The following KLHL29 variants were observed in gnomAD, a reference collection of about 807,000 sequenced individuals.
KLHL29 encodes the protein kelch-like protein 29.
In KLHL29, 21 loss-of-function variants were observed where a neutral mutation model predicts 80.4. The ratio of observed to expected loss-of-function variants is 0.26; its 90% CI spans 0.19 to 0.38. The LOEUF is 0.38. Among genes scored for constraint, KLHL29 ranks in the 10% least tolerant of loss-of-function variants. The pLI is 1.00. For synonymous variants in KLHL29, 511 were observed against 526.8 expected (o/e 0.97, Z 0.41); for missense variants, 867 against 1,223.9 (o/e 0.71, Z 4.35).
At chr2:23,508,893 T>C (rs1017511229) in intron 2 of KLHL29, among the ~76,000 whole-genome samples, 1 of 152,226 alleles carries the variant, frequency 6.6e-6, no homozygotes, top group Non-Finnish European at 1.5e-5. Context: ...AATCTAGAGC[T>C]AGACCGGGTG....
At chr2:23,525,742 C>T (rs984420885) in intron 2 of KLHL29, among the ~76,000 whole-genome samples, 3 of 104,416 alleles carry the variant, frequency 2.9e-5, no homozygotes, top group East Asian at 3.2e-4. Context: ...CCCCCCCACC[C>T]GAGGCGAGCC....
intron 5 of KLHL29, among the ~76,000 whole-genome samples, chr2:23,650,769 A>G (rs770983204): frequency 6.6e-6 from 1 of 152,178 alleles, no homozygotes; most frequent in Non-Finnish European, 1.5e-5. Flanking sequence ...TTGCCTAACC[A>G]CTATTTAAAC....
intron 7 of KLHL29, among the ~76,000 whole-genome samples, 161 bp downstream of exon 7, chr2:23,692,037 A>G (rs1164652147): frequency 1.3e-5 from 2 of 152,172 alleles, no homozygotes; most frequent in Non-Finnish European, 2.9e-5. Context: ...GGTAATTCAG[A>G]TAACTACATG....
chr2:23,474,464 T>C (rs1664576626), intron 1 of KLHL29, among the ~76,000 whole-genome samples: 1 of 152,210 alleles, frequency 6.6e-6, no homozygotes, highest in Admixed American at 6.5e-5. Context: ...CTCGCCACTT[T>C]GGTTCTGTGT....
At chr2:23,473,168 G>A (rs1284405363) in intron 1 of KLHL29, among the ~76,000 whole-genome samples, 1 of 152,162 alleles carries the variant, frequency 6.6e-6, no homozygotes, top group Non-Finnish European at 1.5e-5. Flanking sequence ...AAGACGCAGA[G>A]AGGGAGGGGA....
chr2:23,642,391 G>C lies in KLHL29; in HGVS notation c.481G>C (p.Ala161Pro). Reference protein sequence around the residue: ...VAAGNQPTLIAHSYGVAQPPT... With the variant: ...VAAGNQPTLIPHSYGVAQPPT... ...CGCCGGGAACCAGCCCACCCTGATTGCACACTCCTATGGAGTGGCCCAGCC... is the reference window on the plus strand; with the variant it reads ...CGCCGGGAACCAGCCCACCCTGATTCCACACTCCTATGGAGTGGCCCAGCC... The change falls in exon 5 of 14, where the codon GCA (alanine) becomes CCA (proline). Residue 161 changes from alanine to proline, a missense_variant. Ala to Pro is a conservative substitution (Grantham distance 27). This residue lies in a region of KLHL29 where 424 missense variants were observed against 456.9 expected (regional missense o/e 0.93). Coordinates refer to ENST00000486442, the MANE Select transcript of KLHL29 (RefSeq NM_052920.2). 1 of 1,448,424 alleles carries C rather than the reference G, an allele frequency of 6.9e-7. No homozygotes were observed. Among genetic ancestry groups the C allele is most frequent in the Non-Finnish European group, 9.1e-7 (1 of 1,094,848 alleles). The allele number at this position is 1,448,424 out of a possible 1,614,324, so 89.7% of individuals were successfully genotyped here. A position where few individuals can be genotyped will look rare whatever the true frequency, so the allele number is the denominator to read the frequency against.
intron 1 of KLHL29, among the ~76,000 whole-genome samples, chr2:23,470,805 C>T (rs934318243): frequency 1.3e-5 from 2 of 152,208 alleles, no homozygotes; most frequent in Non-Finnish European, 2.9e-5. Context: ...CATCTTCACT[C>T]TCCCCTTTAA....
At chr2:23,388,567 A>G (rs13033444) in intron 1 of KLHL29, among the ~76,000 whole-genome samples, 32,047 of 152,172 alleles carry the variant, frequency 0.21, 4,006 homozygotes, top group South Asian at 0.3. Flanking sequence ...ATGCATTTCC[A>G]TGGTGATCCA....
At chr2:23,546,807 A>T (rs1302161078) in intron 2 of KLHL29, among the ~76,000 whole-genome samples, 1 of 152,226 alleles carries the variant, frequency 6.6e-6, no homozygotes, top group Non-Finnish European at 1.5e-5. Context: ...GAATCTTACC[A>T]GGAAGTGTCC....
chr2:23,541,654 A>C (rs1294061880), intron 2 of KLHL29, among the ~76,000 whole-genome samples: 1 of 152,194 alleles, frequency 6.6e-6, no homozygotes, highest in African/African-American at 2.4e-5. Flanking sequence ...TGTCAGAGGC[A>C]GCAACCCTTC....
intron 1 of KLHL29, among the ~76,000 whole-genome samples, chr2:23,440,489 A>G (rs1211743716): frequency 1.3e-5 from 2 of 152,002 alleles, no homozygotes; most frequent in Non-Finnish European, 2.9e-5. Context: ...GGATCTAATT[A>G]AACTAAAGAG....
At chr2:23,546,315 G>A (rs1666978841) in intron 2 of KLHL29, among the ~76,000 whole-genome samples, 1 of 152,224 alleles carries the variant, frequency 6.6e-6, no homozygotes, top group Non-Finnish European at 1.5e-5. Context: ...AGGGGACCCT[G>A]CAGAATGAGG....
Position 23,691,722 on chromosome 2 carries a change from C to G in KLHL29, c.1128C>G (p.Val376=). 1.3e-6 allele frequency: 2 copies of G among 1,551,804 alleles called. No individual in the cohort carries two copies. Among genetic ancestry groups the G allele is most frequent in the Non-Finnish European group, 1.7e-6 (2 of 1,147,018 alleles). Residue 376 remains valine, a synonymous_variant, in exon 7 of 14, where the codon GTC becomes GTG. Transcript: ENST00000486442. ...GQGGREKLEL[V]LSNLQADVLE... is the part of the protein sequence containing the mutation. Reference sequence around the variant, plus strand: ...GCGGCCGGGAGAAGCTGGAGCTCGTCCTGTCGAACCTGCAGGCAGACGTCC... The same window carrying G: ...GCGGCCGGGAGAAGCTGGAGCTCGTGCTGTCGAACCTGCAGGCAGACGTCC...
chr2:23,608,681 T>G (rs1668786409), intron 3 of KLHL29, among the ~76,000 whole-genome samples: 1 of 152,178 alleles, frequency 6.6e-6, no homozygotes, highest in African/African-American at 2.4e-5. Context: ...CCCCTTAGGA[T>G]GTGAATTACA....
At chr2:23,511,735 A>G (rs148935879) in intron 2 of KLHL29, among the ~76,000 whole-genome samples, 5 of 152,276 alleles carry the variant, frequency 3.3e-5, no homozygotes, top group Admixed American at 6.5e-5. Flanking sequence ...ATCGTCACTT[A>G]ACAAAGGTTT....
At chr2:23,451,622 C>A (rs1300209448) in intron 1 of KLHL29, among the ~76,000 whole-genome samples, 1 of 152,196 alleles carries the variant, frequency 6.6e-6, no homozygotes, top group East Asian at 1.9e-4. Flanking sequence ...TCCCCAGCTC[C>A]CAGTGAAAGC....
intron 2 of KLHL29, among the ~76,000 whole-genome samples, chr2:23,517,510 T>C (rs750732526): frequency 5.3e-5 from 8 of 152,242 alleles, no homozygotes; most frequent in South Asian, 2.1e-4. Context: ...GCCACTGCAC[T>C]ACTCCAGCCT....
At chr2:23,431,278 C>G (rs879316121) in intron 1 of KLHL29, among the ~76,000 whole-genome samples, 2 of 152,290 alleles carry the variant, frequency 1.3e-5, no homozygotes, top group Admixed American at 1.3e-4. Context: ...AATGTGTGAC[C>G]CTGTGTTCAG....
At chr2:23,583,302 A>G (rs1371502444) in intron 3 of KLHL29, among the ~76,000 whole-genome samples, 1 of 152,224 alleles carries the variant, frequency 6.6e-6, no homozygotes, top group South Asian at 2.1e-4. Context: ...AAGAAGGTCC[A>G]TCCGCGTGGG....
Sources: gnomAD v4.1 joint callset for allele counts (sites outside exome capture counted in the v4.1 genomes callset) on GRCh38, gnomAD v4.1.1 for gene constraint, gnomAD v4.1.1 regional missense constraint, MANE v1.5 for transcripts, NCBI Gene and HGNC (gene_info 2026-07-23, HGNC 2026-07-21) for gene names.